The following QSOX2 variants were observed in gnomAD, a reference collection of about 807,000 sequenced individuals.
QSOX2 encodes the protein quiescin sulfhydryl oxidase 2.
QSOX2 carries 46 observed loss-of-function variants against 61.7 expected under a neutral mutation model. That is an observed-to-expected ratio of 0.75 (90% confidence interval 0.59 to 0.95). The LOEUF is 0.95. QSOX2 is among the 40% of genes least tolerant of loss of function. QSOX2 has a pLI of 0.00. For synonymous variants in QSOX2, 383 were observed against 388.4 expected, an observed-to-expected ratio of 0.99 and a Z score of 0.16; for missense variants, 879 against 918.9, an observed-to-expected ratio of 0.96 and a Z score of 0.56.
Position 136,221,468 on chromosome 9 carries a change from A to C in QSOX2, c.821+328T>G, listed in dbSNP as rs527339596. On this transcript the variant is annotated intron_variant, in intron 6 of 11. Transcript: ENST00000358701. This position sits in a 1 kb window ranked among gnomAD's most constrained non-coding sequence, Gnocchi z 4.5. ...AGTCCACCCAGAGCAGGGTTTTAGG[A>C]GCATCGGCTGCTCCCAAAGCCCCGG... Among the ~76,000 whole-genome samples, 4 of 152,310 alleles carry C rather than the reference A, an allele frequency of 2.6e-5. No homozygotes were observed. The South Asian group carries it at 8.3e-4, about 32-fold the overall frequency.
chr9:136,240,358 A>G (rs1425141861), intron 1 of QSOX2, among the ~76,000 whole-genome samples: 1 of 152,244 alleles, frequency 6.6e-6, no homozygotes, highest in Admixed American at 6.5e-5. Context: ...GAAAAAGTCT[A>G]CAGAAGTCTA....
intron 2 of QSOX2, 81 bp from the exon 3 acceptor site, chr9:136,224,990 C>A: frequency 4.3e-6 from 4 of 940,016 alleles, no homozygotes; most frequent in Non-Finnish European, 6.5e-6. Flanking sequence ...ACGCCCGTCA[C>A]CTTAGAGGGA....
At chr9:136,244,513 G>A (rs1830455278) in intron 1 of QSOX2, among the ~76,000 whole-genome samples, 1 of 152,254 alleles carries the variant, frequency 6.6e-6, no homozygotes, top group African/African-American at 2.4e-5. Context: ...GGAAGAAAGA[G>A]TAGCAATTTG....
rs775276630 is a variant in QSOX2, at chr9:136,218,709, C to T, written c.1056G>A (p.Thr352=). Residue 352 remains threonine (T), a synonymous_variant, in exon 8 of 12, where the codon ACG becomes ACA. Transcript: ENST00000358701. ...CCAAGACAGTCACAAAGTCCTTGAGCGTCTTCAGCTCTGCTCCGGCCAGGG... is the reference window on the plus strand; with the variant it reads ...CCAAGACAGTCACAAAGTCCTTGAGTGTCTTCAGCTCTGCTCCGGCCAGGG... The part of the protein sequence containing the change: ...HKSLAGAELK[T]LKDFVTVLAK... The T allele has an allele frequency of 7.4e-6, 12 of 1,613,688 alleles. No individual in the cohort carries two copies. Among genetic ancestry groups the T allele is most frequent in the African/African-American group, 4.0e-5 (3 of 74,946 alleles).
intron 1 of QSOX2, among the ~76,000 whole-genome samples, chr9:136,239,317 G>T (rs950046892): frequency 1.3e-5 from 2 of 152,076 alleles, no homozygotes; most frequent in Admixed American, 1.3e-4. Flanking sequence ...TAAGTGGCTG[G>T]GGCCACAGGA....
In QSOX2 at chr9:136,207,556, G is replaced by A. The variant is rs1005019903; in HGVS notation, c.*1172C>T. 3.3e-5 allele frequency: 5 copies of A among 152,276 alleles called. No homozygotes were observed. Among genetic ancestry groups the A allele is most frequent in the Non-Finnish European group, 7.3e-5 (5 of 68,038 alleles). 9.4% of individuals were successfully genotyped at this position (152,276 alleles called of 1,614,324 possible). A position where few individuals can be genotyped will look rare whatever the true frequency, so the allele number is the denominator to read the frequency against. On this transcript the variant is annotated 3_prime_UTR_variant, in exon 12 of 12. Coordinates refer to ENST00000358701, the MANE Select transcript of QSOX2 (RefSeq NM_181701.4). The stretch of plus-strand genomic sequence containing the variant: ...AGGCAACGGACCACTAAATGTTTTG[G>A]GTTTAAAAACAATGTTTAAAATTAT...
chr9:136,244,966 T>A (rs940808750), intron 1 of QSOX2, among the ~76,000 whole-genome samples: 4 of 152,146 alleles, frequency 2.6e-5, no homozygotes, highest in Non-Finnish European at 5.9e-5. Context: ...ACCAGAAAGT[T>A]AATGATGAAG....
intron 1 of QSOX2, among the ~76,000 whole-genome samples, chr9:136,227,665 G>C (rs1323650188): frequency 6.6e-6 from 1 of 152,158 alleles, no homozygotes; most frequent in African/African-American, 2.4e-5. Flanking sequence ...AACCCACCAG[G>C]CTTTGCCTCT....
intron 6 of QSOX2, 26 bp from the exon 7 acceptor site, chr9:136,219,190 G>A (rs1831952251): frequency 6.2e-7 from 1 of 1,603,998 alleles, no homozygotes; most frequent in Non-Finnish European, 8.5e-7. Context: ...GGGCAAAGGT[G>A]AGAAGAGCCT....
intron 10 of QSOX2, 135 bp from the exon 11 acceptor site, chr9:136,211,587 G>C: frequency 1.2e-6 from 1 of 812,074 alleles, no homozygotes; most frequent in Non-Finnish European, 1.9e-6. Flanking sequence ...GGGGCCTCAG[G>C]CTGTGGGCAC....
rs770930309 is a variant in QSOX2, at chr9:136,209,311, G to A, written c.1550-36C>T. 53 of 1,596,514 alleles carry A rather than the reference G, an allele frequency of 3.3e-5. 1 individual carries two copies. The Middle Eastern group carries it at 2.4e-3, about 71-fold the overall frequency. On this transcript the variant is annotated intron_variant, in intron 11 of 11. Transcript: ENST00000358701. The surrounding 1 kb of genome is among the most constrained non-coding windows in gnomAD (Gnocchi z 5.6). ...AAGGAAGCGGGAGAGCCAGAGGGAA[G>A]GAGGCTTTGTGCAGCCACGTGCAGC...
intron 10 of QSOX2, 100 bp from the exon 11 acceptor site, chr9:136,211,552 C>T (rs994551797): frequency 1.5e-5 from 18 of 1,210,962 alleles, no homozygotes; most frequent in Middle Eastern, 2.4e-4. Context: ...CCTGACATGT[C>T]GGGAAGCCAC....
At chr9:136,215,384 T>G (rs10858247) in intron 9 of QSOX2, 80 bp from the exon 10 acceptor site, 6 of 885,918 alleles carry the variant, frequency 6.8e-6, no homozygotes, top group Admixed American at 3.0e-5. Context: ...GCTGCCTTCT[T>G]GACTGGGGGG....
In QSOX2 at chr9:136,223,225, G is replaced by A. The variant is rs562038876; in HGVS notation, c.675+538C>T. Among the ~76,000 whole-genome samples the A allele has an allele frequency of 1.6e-4, 25 of 152,256 alleles. No homozygotes were observed. Among genetic ancestry groups the A allele is most frequent in the African/African-American group, 5.5e-4 (23 of 41,554 alleles). Reference sequence around the variant, plus strand: ...GCAGTGAGGCCTTTCTCTCGTCTCCGGGAAGACTGTCAGCAATAATGACTC... The same window carrying A: ...GCAGTGAGGCCTTTCTCTCGTCTCCAGGAAGACTGTCAGCAATAATGACTC... On this transcript the variant is annotated intron_variant, in intron 5 of 11. Transcript: ENST00000358701. The surrounding 1 kb of genome is among the most constrained non-coding windows in gnomAD (Gnocchi z 4.4).
At position 136,216,700 on chromosome 9, in the gene QSOX2, A is replaced by ACTGG. The variant is rs1430287952; in HGVS notation, c.1105_1108dup (p.Val370AlafsTer28). 6.2e-7 allele frequency: 1 copy of ACTGG among 1,613,740 alleles called. No homozygotes were observed. On this transcript the variant is annotated frameshift_variant, in exon 9 of 12. Transcript: ENST00000358701. LOFTEE classifies it high-confidence loss of function. Reference sequence around the variant, plus strand: ...CTGCAGCATCTCCAACAGCTTCTTGACTGGCGGCCGTCCAGGGAACAGCTG... The same window carrying ACTGG: ...CTGCAGCATCTCCAACAGCTTCTTGACTGGCTGGCGGCCGTCCAGGGAACAGCTG...
chr9:136,210,380 A>G (rs1831830473), intron 11 of QSOX2: 1 of 985,342 alleles, frequency 1.0e-6, no homozygotes, highest in Admixed American at 6.1e-5. Context: ...GTGGGGGCAC[A>G]TGCGGGCTGG....
intron 1 of QSOX2, among the ~76,000 whole-genome samples, chr9:136,244,593 C>T (rs1482271681): frequency 6.6e-6 from 1 of 152,246 alleles, no homozygotes; most frequent in East Asian, 1.9e-4. Flanking sequence ...CCAAACCTCA[C>T]TGGGTCGGGA....
chr9:136,210,127 C>G (rs1481137005), intron 11 of QSOX2: 1 of 985,354 alleles, frequency 1.0e-6, no homozygotes, highest in Non-Finnish European at 1.2e-6. Flanking sequence ...GTGCTGCACA[C>G]GAAGCCAGAG....
Position 136,224,082 on chromosome 9 carries a change from T to G in QSOX2, c.509A>C (p.Gln170Pro). The change falls in exon 4 of 12, where the codon CAG (glutamine) becomes CCG (proline). Residue 170 changes from glutamine (Q) to proline (P), a missense_variant. Gln to Pro is a moderately conservative substitution (Grantham distance 76). Transcript: ENST00000358701. ...GTTCTGCAGGAAGTCAATCATCGTC[T>G]GTCTGACTGTTCGCAGCTCTCGGTC... ...GPDRELRTVR[Q>P]TMIDFLQNHT... 6.2e-7 allele frequency: 1 copy of G among 1,614,056 alleles called. No individual in the cohort carries two copies. The highest frequency in any genetic ancestry group is 1.1e-5 in the South Asian group (1 of 91,066).
Sources: gnomAD v4.1 joint callset for allele counts (sites outside exome capture counted in the v4.1 genomes callset) on GRCh38, gnomAD v4.1.1 for gene constraint, Gnocchi (gnomAD v3.1) non-coding constraint, MANE v1.5 for transcripts, NCBI Gene and HGNC (gene_info 2026-07-23, HGNC 2026-07-21) for gene names.